The following DDX50 variants were observed in gnomAD, a reference collection of about 807,000 sequenced individuals.
DDX50 encodes the protein ATP-dependent RNA helicase DDX50.
In DDX50, 56 loss-of-function variants were observed where a neutral mutation model predicts 94.8. The observed-to-expected ratio is 0.59, with a 90% confidence interval of 0.48 to 0.74. The LOEUF is 0.74. Among genes scored for constraint, DDX50 ranks in the 30% least tolerant of loss-of-function variants. The probability of loss-of-function intolerance (pLI) is 0.00; values close to 1 mark genes in which losing one functional copy is unlikely to be tolerated. For synonymous variants in DDX50, 264 were observed against 295.4 expected (o/e 0.89, Z 1.09); for missense variants, 713 against 881.2 (o/e 0.81, Z 2.42).
At chr10:68,916,302 T>C (rs6480372) in intron 7 of DDX50, among the ~76,000 whole-genome samples, 139,935 of 149,206 alleles carry the variant, frequency 0.94, 65,671 homozygotes, top group East Asian at 0.99. Flanking sequence ...TGCGGTGAGC[T>C]GAGATTGCGC....
At chr10:68,924,053 G>A (rs550600481) in intron 8 of DDX50, among the ~76,000 whole-genome samples, 1 of 136,452 alleles carries the variant, frequency 7.3e-6, no homozygotes, top group East Asian at 2.2e-4. Flanking sequence ...AGGTTCAAGC[G>A]ATTTTCCTGC....
chr10:68,919,597 G>T (rs1223199252), intron 7 of DDX50, among the ~76,000 whole-genome samples: 1 of 152,012 alleles, frequency 6.6e-6, no homozygotes, highest in Non-Finnish European at 1.5e-5. Context: ...ATCAGTAGTT[G>T]GTTTCTTTTA....
At chr10:68,931,390 A>ATAT (rs1312993056) in intron 8 of DDX50, among the ~76,000 whole-genome samples, 570 of 46,728 alleles carry the variant, frequency 0.012, 9 homozygotes, top group African/African-American at 0.033. Flanking sequence ...ATTAAAAAAA[A>ATAT]AAATATATAT....
chr10:68,943,953 A>G (rs1328221318), intron 14 of DDX50, among the ~76,000 whole-genome samples: 1 of 152,192 alleles, frequency 6.6e-6, no homozygotes, highest in East Asian at 1.9e-4. Flanking sequence ...CATGTACCCA[A>G]CACTCAGCTT....
intron 2 of DDX50, among the ~76,000 whole-genome samples, chr10:68,909,858 C>T (rs561816543): frequency 5.3e-4 from 80 of 152,282 alleles, no homozygotes; most frequent in African/African-American, 1.7e-3. Flanking sequence ...GACAGGGTTT[C>T]TCCATGTTGG....
chr10:68,932,251 A>T (rs1842291454), intron 8 of DDX50, among the ~76,000 whole-genome samples: 1 of 152,086 alleles, frequency 6.6e-6, no homozygotes, highest in Non-Finnish European at 1.5e-5. Flanking sequence ...GTTGGGGTTA[A>T]ATTACTGTTA....
rs764540278 is a variant in DDX50 at position 68,913,157 on chromosome 10, C to A, written c.640-5C>A. 72 of 1,594,556 alleles carry A rather than the reference C, an allele frequency of 4.5e-5. No homozygotes were observed. The Admixed American group carries it at 1.3e-3, about 29-fold the overall frequency. On this transcript the variant is annotated splice_region_variant and splice_polypyrimidine_tract_variant and intron_variant, in intron 4 of 14. Coordinates refer to ENST00000373585, the MANE Select transcript of DDX50 (RefSeq NM_024045.2). ...ATCTTTTTGTTTTTTAAACCTCTTGCTCAGGTACTTGTTTTGGCTCCAACA... is the reference window on the plus strand; with the variant it reads ...ATCTTTTTGTTTTTTAAACCTCTTGATCAGGTACTTGTTTTGGCTCCAACA...
Position 68,901,376 on chromosome 10 carries a change from T to A in DDX50, c.-9T>A. 2.0e-6 allele frequency: 3 copies of A among 1,534,896 alleles called. No homozygotes were observed. Among genetic ancestry groups the A allele is most frequent in the Non-Finnish European group, 2.6e-6 (3 of 1,139,376 alleles). ...CACTGTGCCCGGAGGGAGGCGGCGG[T>A]GGCCAGTAATGCCTGGGAAACTCCT... On this transcript the variant is annotated 5_prime_UTR_variant, in exon 1 of 15. Transcript: ENST00000373585.
At chr10:68,931,413 A>ATT (rs1172623258) in intron 8 of DDX50, among the ~76,000 whole-genome samples, 4 of 85,448 alleles carry the variant, frequency 4.7e-5, no homozygotes, top group Non-Finnish European at 6.7e-5. Flanking sequence ...ATATATATGT[A>ATT]TATATATATA....
intron 12 of DDX50, among the ~76,000 whole-genome samples, chr10:68,939,952 A>G (rs959161831): frequency 4.6e-4 from 70 of 151,794 alleles, no homozygotes; most frequent in African/African-American, 1.6e-3. Context: ...CACCTAGTAC[A>G]GTCTGTGGCA....
At chr10:68,912,665 G>A (rs1430547019) in intron 4 of DDX50, among the ~76,000 whole-genome samples, 1 of 152,212 alleles carries the variant, frequency 6.6e-6, no homozygotes, top group African/African-American at 2.4e-5. Flanking sequence ...CCACTCATGG[G>A]TTTTTATGAG....
At position 68,901,531 on chromosome 10, in the gene DDX50, A is replaced by C. The variant is rs866349416; in HGVS notation, c.87+60A>C. On this transcript the variant is annotated intron_variant, in intron 1 of 14. Coordinates refer to ENST00000373585, the MANE Select transcript of DDX50 (RefSeq NM_024045.2). ...TGCGCCGGCTTGGGCGGGGAGGGGA[A>C]CTGTCTGTCCCTGATGATGGCCTGT... The C allele has an allele frequency of 2.2e-5, 33 of 1,513,452 alleles. 1 individual carries two copies. In the Middle Eastern group the frequency reaches 5.6e-3, roughly 258 times the overall value. 93.8% of individuals were successfully genotyped at this position (1,513,452 alleles called of 1,614,324 possible).
rs1162781422 is a variant in DDX50, at chr10:68,921,378, A to AT, written c.1239+1403dup. Among the ~76,000 whole-genome samples, 3 of 152,146 alleles carry AT rather than the reference A, an allele frequency of 2.0e-5. No homozygotes were observed. In the South Asian group the frequency reaches 6.2e-4, roughly 32 times the overall value. ...TAATATATGGATTACTCCTTTATGC[A>AT]TTTTTTGTAGCTTTTTTTGTTTGAG... On this transcript the variant is annotated intron_variant, in intron 8 of 14. Transcript: ENST00000373585.
chr10:68,929,148 T>C (rs972878204), intron 8 of DDX50, among the ~76,000 whole-genome samples: 4 of 151,956 alleles, frequency 2.6e-5, no homozygotes, highest in African/African-American at 9.7e-5. Context: ...GGTTTTGCCA[T>C]GTTGGCCAGG....
chr10:68,941,886 C>T (rs902735209), intron 13 of DDX50, among the ~76,000 whole-genome samples: 4 of 152,050 alleles, frequency 2.6e-5, no homozygotes, highest in African/African-American at 7.2e-5. Context: ...GTGATCCTCC[C>T]GCTTCTGCCT....
At chr10:68,906,615 T>G in intron 1 of DDX50, 96 bp from the exon 2 acceptor site, 13 of 1,353,002 alleles carry the variant, frequency 9.6e-6, no homozygotes, top group South Asian at 1.3e-5. Context: ...AACTGTAGAT[T>G]GAGCTGAACT....
intron 14 of DDX50, among the ~76,000 whole-genome samples, chr10:68,944,451 T>C: frequency 6.6e-6 from 1 of 152,220 alleles, no homozygotes; most frequent in East Asian, 1.9e-4. Context: ...AATGAGTATT[T>C]TGCTTTCGAA....
In DDX50 at chr10:68,934,253, A is replaced by T. The variant is rs1223858858; in HGVS notation, c.1294A>T (p.Lys432Ter). ...IAQSQREITL[K>*]GFREGSFKVL... ...ACAGTCACAAAGAGAAATTACACTA[A>T]AAGGCTTCAGAGAAGGTAGTTTTAA... Residue 432 changes from lysine to a stop codon, truncating the protein, a stop_gained, in exon 9 of 15, where the codon AAA becomes TAA. Transcript: ENST00000373585. LOFTEE classifies it high-confidence loss of function. The surrounding 1 kb of genome is among the most constrained non-coding windows in gnomAD (Gnocchi z 4.0). The T allele has an allele frequency of 1.2e-6, 2 of 1,612,714 alleles. No homozygotes were observed. Among genetic ancestry groups the T allele is most frequent in the South Asian group, 1.1e-5 (1 of 91,014 alleles).
chr10:68,936,216 A>T, intron 11 of DDX50, 137 bp downstream of exon 11: 2 of 646,888 alleles, frequency 3.1e-6, no homozygotes, highest in Non-Finnish European at 5.0e-6. Context: ...AATATAAAAC[A>T]GTGGCTCATG....
Sources: gnomAD v4.1 joint callset for allele counts (sites outside exome capture counted in the v4.1 genomes callset) on GRCh38, gnomAD v4.1.1 for gene constraint, Gnocchi (gnomAD v3.1) non-coding constraint, MANE v1.5 for transcripts, NCBI Gene and HGNC (gene_info 2026-07-23, HGNC 2026-07-21) for gene names.